The following COL27A1 variants were observed in gnomAD, a reference collection of about 807,000 sequenced individuals.
COL27A1 encodes collagen type XXVII alpha 1 chain.
COL27A1 carries 106 observed loss-of-function variants against 251.3 expected under a neutral mutation model. The observed-to-expected ratio is 0.42, with a 90% confidence interval of 0.36 to 0.50. The LOEUF (loss-of-function observed/expected upper bound fraction) is 0.50. Among genes scored for constraint, COL27A1 ranks in the 20% least tolerant of loss-of-function variants. The pLI is 0.00. For missense variants in COL27A1, 2,325 were observed against 2,522.8 expected (o/e 0.92, Z 1.68); for synonymous variants, 1,000 against 986.3 (o/e 1.01, Z -0.26).
rs879790219 is a variant in COL27A1 at position 114,253,428 on chromosome 9, AGAG to A, written c.3141+501_3141+503del. 4.2e-3 allele frequency among the ~76,000 whole-genome samples: 529 copies of A among 125,406 alleles called. 3 individuals are homozygous for A. Among genetic ancestry groups the A allele is most frequent in the Middle Eastern group, 7.8e-3 (2 of 258 alleles). 82.3% of individuals were successfully genotyped at this position (125,406 alleles called of 152,430 possible). ...AAAGACAGAAAGAAGAGGAGAAAAA[AGAG>A]GAGGGAGGGAGGGCGGGAGGGGAGG... is the stretch of plus-strand genomic sequence containing the variant. On this transcript the variant is annotated intron_variant, in intron 27 of 60. Coordinates refer to ENST00000356083, the MANE Select transcript of COL27A1 (RefSeq NM_032888.4).
At chr9:114,208,061 A>G (rs146818659) in intron 10 of COL27A1, among the ~76,000 whole-genome samples, 1 of 152,270 alleles carries the variant, frequency 6.6e-6, no homozygotes, top group Non-Finnish European at 1.5e-5. Flanking sequence ...CAGTTCTACC[A>G]CATTTCAGCT....
intron 1 of COL27A1, 61 bp from the exon 2 acceptor site, chr9:114,162,654 C>G (rs1476919428): frequency 7.9e-7 from 1 of 1,273,748 alleles, no homozygotes; most frequent in Non-Finnish European, 1.1e-6. Context: ...CTTCCCCAGC[C>G]GGATCCGGGT....
chr9:114,293,957 G>A (rs949479800), intron 49 of COL27A1, among the ~76,000 whole-genome samples: 3 of 152,030 alleles, frequency 2.0e-5, no homozygotes, highest in Non-Finnish European at 2.9e-5. Context: ...AAATAATAAC[G>A]GCTGGGCGCG....
chr9:114,178,841 C>T (rs1827677792), intron 4 of COL27A1, among the ~76,000 whole-genome samples: 1 of 152,124 alleles, frequency 6.6e-6, no homozygotes, highest in African/African-American at 2.4e-5. Context: ...TGAGCTAGCC[C>T]AAGCCCGAGA....
Position 114,206,275 on chromosome 9 carries a change from T to A in COL27A1, c.2247T>A (p.Asp749Glu). 6.2e-7 allele frequency: 1 copy of A among 1,614,098 alleles called. No homozygotes were observed. The highest frequency in any genetic ancestry group is 8.5e-7 in the Non-Finnish European group (1 of 1,179,984). ...GRQGLPGPVG[D>E]PGPKGSRGYI... ...AGGGGTTACCTGGACCGGTAGGAGA[T>A]CCCGGCCCCAAAGGCAGCAGGGTAA... The change falls in exon 10 of 61, where the codon GAT (aspartate) becomes GAA (glutamate). Residue 749 changes from aspartate (D) to glutamate (E), a missense_variant. By Grantham distance (45) the Asp-to-Glu change is conservative. This residue lies in a region of COL27A1 where 1,183 missense variants were observed against 1,144.1 expected (regional missense o/e 1.03). Coordinates refer to ENST00000356083, the MANE Select transcript of COL27A1 (RefSeq NM_032888.4).
intron 36 of COL27A1, 68 bp downstream of exon 36, chr9:114,270,849 G>A: frequency 8.5e-7 from 1 of 1,181,278 alleles, no homozygotes; most frequent in Non-Finnish European, 1.3e-6. Context: ...CAAGACCTAA[G>A]TCTCCTCCCA....
At chr9:114,292,067 C>T (rs1005392354) in intron 48 of COL27A1, 36 bp from the exon 49 acceptor site, 1 of 1,535,556 alleles carries the variant, frequency 6.5e-7, no homozygotes, top group Non-Finnish European at 8.8e-7. Context: ...AACCCCTTCC[C>T]ACTTTGACTG....
At chr9:114,205,384 G>A (rs1829879717) in intron 8 of COL27A1, among the ~76,000 whole-genome samples, 1 of 152,238 alleles carries the variant, frequency 6.6e-6, no homozygotes, top group African/African-American at 2.4e-5. Flanking sequence ...GCCGCACAAC[G>A]CCAGTTGGAG....
At chr9:114,288,601 C>CAGGT (rs1352579695) in intron 42 of COL27A1, 90 bp downstream of exon 42, 2 of 1,546,254 alleles carry the variant, frequency 1.3e-6, no homozygotes, top group Admixed American at 1.9e-5. Context: ...GATCAGGGGC[C>CAGGT]AGGTCCCTGA....
chr9:114,241,344 G>A (rs946905855), intron 21 of COL27A1, among the ~76,000 whole-genome samples: 2 of 152,276 alleles, frequency 1.3e-5, no homozygotes, highest in African/African-American at 4.8e-5. Flanking sequence ...CCCTTCTCGG[G>A]CTGGCTCTGG....
At chr9:114,228,791 G>A (rs7868992) in intron 14 of COL27A1, among the ~76,000 whole-genome samples, 95,786 of 152,000 alleles carry the variant, frequency 0.63, 31,205 homozygotes, top group South Asian at 0.83. Flanking sequence ...CAGTGAGACT[G>A]TTTGATGGGA....
intron 35 of COL27A1, among the ~76,000 whole-genome samples, chr9:114,269,880 G>T (rs1454375564): frequency 1.3e-5 from 2 of 152,128 alleles, no homozygotes; most frequent in Non-Finnish European, 2.9e-5. Flanking sequence ...GACGGCCCCT[G>T]AGGCCCTTTC....
chr9:114,270,670 C>A, intron 35 of COL27A1, 58 bp from the exon 36 acceptor site: 5 of 1,368,720 alleles, frequency 3.7e-6, no homozygotes, highest in Non-Finnish European at 5.2e-6. Flanking sequence ...AGAGGAAAAG[C>A]ACACCGGGGC....
intron 49 of COL27A1, among the ~76,000 whole-genome samples, chr9:114,297,079 G>A (rs560498201): frequency 6.6e-6 from 1 of 152,254 alleles, no homozygotes; most frequent in South Asian, 2.1e-4. Flanking sequence ...ATTACAAAAG[G>A]GTGTGAGGAA....
chr9:114,207,798 C>T (rs915498436), intron 10 of COL27A1, among the ~76,000 whole-genome samples: 1 of 152,214 alleles, frequency 6.6e-6, no homozygotes, highest in African/African-American at 2.4e-5. Flanking sequence ...AGTCACTGGG[C>T]CTCTCTGAGC....
rs905520764 is a variant in COL27A1, at chr9:114,165,517, C to CCCAT, written c.134-2156_134-2153dup. ...ATCCATCCATCCATTCATCCACCCACCCATCCATCCATCCATCCAGCCAGC... is the reference window on the plus strand; with the variant it reads ...ATCCATCCATCCATTCATCCACCCACCCATCCATCCATCCATCCATCCAGCCAGC... On this transcript the variant is annotated intron_variant, in intron 2 of 60. Coordinates refer to ENST00000356083, the MANE Select transcript of COL27A1 (RefSeq NM_032888.4). 8.0e-5 allele frequency among the ~76,000 whole-genome samples: 12 copies of CCCAT among 150,330 alleles called. 1 individual carries two copies. Among genetic ancestry groups the CCCAT allele is most frequent in the Non-Finnish European group, 1.3e-4 (9 of 67,548 alleles).
At chr9:114,200,315 A>G (rs1829476288) in intron 7 of COL27A1, among the ~76,000 whole-genome samples, 1 of 152,066 alleles carries the variant, frequency 6.6e-6, no homozygotes, top group Non-Finnish European at 1.5e-5. Flanking sequence ...TCAGTTTACA[A>G]TGTCACCTCC....
intron 56 of COL27A1, 190 bp from the exon 57 acceptor site, chr9:114,304,418 T>C (rs1352414423): frequency 9.7e-6 from 6 of 617,076 alleles, no homozygotes; most frequent in Non-Finnish European, 1.7e-5. Flanking sequence ...GGGGAGCTAT[T>C]AGTACCTGGG....
chr9:114,291,936 A>C (rs964162295), intron 48 of COL27A1, among the ~76,000 whole-genome samples, 167 bp from the exon 49 acceptor site: 1 of 151,860 alleles, frequency 6.6e-6, no homozygotes, highest in Non-Finnish European at 1.5e-5. Context: ...GGGAGGTGAA[A>C]GTCTTGTCAC....
Sources: gnomAD v4.1 joint callset for allele counts (sites outside exome capture counted in the v4.1 genomes callset) on GRCh38, gnomAD v4.1.1 for gene constraint, gnomAD v4.1.1 regional missense constraint, MANE v1.5 for transcripts, NCBI Gene and HGNC (gene_info 2026-07-23, HGNC 2026-07-21) for gene names.